Variants in AFF1 observed in about 807,000 individuals in gnomAD.
AFF1 encodes AF4/FMR2 family member 1.
A neutral mutation model predicts 121.7 loss-of-function variants in AFF1; 48 were observed. The ratio of observed to expected loss-of-function variants is 0.39; its 90% CI spans 0.31 to 0.50. The LOEUF is 0.50. Among genes scored for constraint, AFF1 ranks in the 20% least tolerant of loss-of-function variants. The pLI is 0.76. For missense variants in AFF1, 1,523 were observed against 1,511.7 expected (o/e 1.01, Z -0.12); for synonymous variants, 613 against 563.0 (o/e 1.09, Z -1.26).
chr4:87,101,670 G>A (rs959653191), intron 8 of AFF1, among the ~76,000 whole-genome samples: 26 of 151,950 alleles, frequency 1.7e-4, no homozygotes, highest in African/African-American at 6.0e-4. Flanking sequence ...TCCTATCCCC[G>A]GATCAGTTTC....
In AFF1 at chr4:87,078,373, A is replaced by T. The variant is rs540601107; in HGVS notation, c.1060-5747A>T. Among the ~76,000 whole-genome samples the T allele has an allele frequency of 3.9e-5, 6 of 152,304 alleles. No homozygotes were observed. The South Asian group carries it at 1.2e-3, about 32-fold the overall frequency. Reference sequence around the variant, plus strand: ...AATTCTGAGTTCCGGGACTGAAAACATGCCAGCCATTGTTTATGGGGTTGC... The same window carrying T: ...AATTCTGAGTTCCGGGACTGAAAACTTGCCAGCCATTGTTTATGGGGTTGC... On this transcript the variant is annotated intron_variant, in intron 4 of 20. Coordinates refer to ENST00000395146, the MANE Select transcript of AFF1 (RefSeq NM_001166693.3).
Position 87,136,360 on chromosome 4 carries a change from A to G in AFF1, c.*659A>G, listed in dbSNP as rs571800065. ...GCCGCCCCCAATCTCCCCATTGCCTAGAGCGCTGCACATTGACCCCAGCTC... is the reference window on the plus strand; with the variant it reads ...GCCGCCCCCAATCTCCCCATTGCCTGGAGCGCTGCACATTGACCCCAGCTC... On this transcript the variant is annotated 3_prime_UTR_variant, in exon 21 of 21. Coordinates refer to ENST00000395146, the MANE Select transcript of AFF1 (RefSeq NM_001166693.3). 13 of 232,322 alleles carry G rather than the reference A, an allele frequency of 5.6e-5. No homozygotes were observed. Among genetic ancestry groups the G allele is most frequent in the East Asian group, 2.4e-4 (4 of 16,438 alleles). The allele number at this position is 232,322 out of a possible 1,614,324, so 14.4% of individuals were successfully genotyped here. A position where few individuals can be genotyped will look rare whatever the true frequency, so the allele number is the denominator to read the frequency against.
chr4:87,123,918 G>C (rs964996620), intron 12 of AFF1, among the ~76,000 whole-genome samples: 2 of 152,154 alleles, frequency 1.3e-5, no homozygotes, highest in African/African-American at 4.8e-5. Flanking sequence ...TTCTAACTTG[G>C]TGACCTGACA....
rs140191436 is a variant in AFF1, at chr4:86,994,824, T to G, written c.38+46253T>G. Among the ~76,000 whole-genome samples, 286 of 152,210 alleles carry G rather than the reference T, an allele frequency of 1.9e-3. 1 individual carries two copies. The highest frequency in any genetic ancestry group is 6.5e-3 in the African/African-American group (272 of 41,542). ...TACTGTCTGCAAAGGTTGGTGGCAT[T>G]AGAGAACTGTGGGGCTGGAGGGTGT... On this transcript the variant is annotated intron_variant, in intron 2 of 20. Coordinates refer to ENST00000395146, the MANE Select transcript of AFF1 (RefSeq NM_001166693.3).
chr4:87,069,407 C>G (rs1345947656), intron 4 of AFF1, among the ~76,000 whole-genome samples: 1 of 145,034 alleles, frequency 6.9e-6, no homozygotes, highest in African/African-American at 2.6e-5. Flanking sequence ...TCTTTTCTGT[C>G]TCTCCCTCCC....
intron 8 of AFF1, among the ~76,000 whole-genome samples, chr4:87,096,298 CTTTTTTTTTTTT>C (rs10593271): frequency 1.8e-5 from 1 of 57,062 alleles, no homozygotes; most frequent in Non-Finnish European, 3.2e-5. Flanking sequence ...TTGTTATTCC[CTTTTTTTTTTTT>C]TTTTTTTTTT....
intron 2 of AFF1, among the ~76,000 whole-genome samples, chr4:87,002,088 TTTTTC>T (rs1271366572): frequency 2.0e-5 from 3 of 151,684 alleles, no homozygotes; most frequent in South Asian, 2.1e-4. Flanking sequence ...CTGTTTAAAT[TTTTTC>T]TTTTCTTTTC....
intron 2 of AFF1, among the ~76,000 whole-genome samples, chr4:86,991,741 C>G (rs1052157054): frequency 2.0e-5 from 3 of 151,642 alleles, no homozygotes; most frequent in Non-Finnish European, 4.4e-5. Context: ...TGCTAATCAC[C>G]ACAGAGACTT....
At chr4:87,035,444 C>T (rs984848953) in intron 2 of AFF1, among the ~76,000 whole-genome samples, 9 of 152,012 alleles carry the variant, frequency 5.9e-5, no homozygotes, top group African/African-American at 2.2e-4. Flanking sequence ...GCCTGTAGTC[C>T]CAGCTACTCA....
intron 1 of AFF1, among the ~76,000 whole-genome samples, chr4:86,948,125 C>T (rs776532508): frequency 1.3e-5 from 2 of 151,994 alleles, no homozygotes; most frequent in Non-Finnish European, 2.9e-5. Context: ...ATCTGCCTTG[C>T]AACTTTATTG....
At chr4:87,022,370 T>TTCCA (rs1214325053) in intron 2 of AFF1, among the ~76,000 whole-genome samples, 2 of 151,652 alleles carry the variant, frequency 1.3e-5, no homozygotes. Context: ...TTAGTAGATG[T>TTCCA]TCCAGTCTGT....
At chr4:87,024,781 A>G (rs536066543) in intron 2 of AFF1, among the ~76,000 whole-genome samples, 11 of 152,116 alleles carry the variant, frequency 7.2e-5, no homozygotes, top group African/African-American at 2.7e-4. Flanking sequence ...TTTAGTAGAG[A>G]TGGAGTTTCA....
At chr4:87,011,227 G>A (rs1460198082) in intron 2 of AFF1, among the ~76,000 whole-genome samples, 1 of 152,158 alleles carries the variant, frequency 6.6e-6, no homozygotes, top group South Asian at 2.1e-4. Flanking sequence ...GGCTGAGCAC[G>A]GAGCTTCTCA....
intron 2 of AFF1, among the ~76,000 whole-genome samples, chr4:86,951,094 A>G (rs995361917): frequency 5.9e-5 from 9 of 152,214 alleles, no homozygotes; most frequent in African/African-American, 2.2e-4. Flanking sequence ...TTTTTACATA[A>G]CAATCTTCTA....
At chr4:87,003,622 AAT>A (rs1273819433) in intron 2 of AFF1, among the ~76,000 whole-genome samples, 2 of 152,204 alleles carry the variant, frequency 1.3e-5, no homozygotes, top group Non-Finnish European at 2.9e-5. Context: ...TAATATTATC[AAT>A]GTTACATTTC....
intron 2 of AFF1, among the ~76,000 whole-genome samples, chr4:87,043,909 C>T (rs1730411587): frequency 6.6e-6 from 1 of 152,100 alleles, no homozygotes; most frequent in South Asian, 2.1e-4. Flanking sequence ...GCCTCCGCCT[C>T]CTGGGTTCAA....
At position 87,067,826 on chromosome 4, in the gene AFF1, A is replaced by G. The variant is rs141847785; in HGVS notation, c.1060-16294A>G. 5.0e-3 allele frequency among the ~76,000 whole-genome samples: 762 copies of G among 152,334 alleles called. 5 individuals carry two copies. Among genetic ancestry groups the G allele is most frequent in the African/African-American group, 0.017 (727 of 41,588 alleles). On this transcript the variant is annotated intron_variant, in intron 4 of 20. Transcript: ENST00000395146. ...TTTGTTTAAAGGAACAAAAATGTCT[A>G]CATGCCACAGTTTGGATGCACAGAG...
chr4:87,083,604 T>C (rs1578214594), intron 4 of AFF1, among the ~76,000 whole-genome samples: 1 of 152,194 alleles, frequency 6.6e-6, no homozygotes, highest in Admixed American at 6.5e-5. Flanking sequence ...TCTAATCTTA[T>C]TTTGTACATC....
chr4:87,130,305 A>C (rs1196684713), intron 16 of AFF1, among the ~76,000 whole-genome samples: 1 of 152,180 alleles, frequency 6.6e-6, no homozygotes, highest in African/African-American at 2.4e-5. Context: ...GAACATATCA[A>C]ATACAAAGCA....
Sources: gnomAD v4.1 joint callset for allele counts (sites outside exome capture counted in the v4.1 genomes callset) on GRCh38, gnomAD v4.1.1 for gene constraint, MANE v1.5 for transcripts, NCBI Gene and HGNC (gene_info 2026-07-23, HGNC 2026-07-21) for gene names.